GTF2F2: variants seen among roughly 807,000 people sequenced by gnomAD.
GTF2F2 encodes ATP-dependent helicase GTF2F2.
In GTF2F2, 23 loss-of-function variants were observed where a neutral mutation model predicts 42.2. That is an observed-to-expected ratio of 0.55 (90% CI 0.39 to 0.77). The LOEUF is 0.77. Ranked by LOEUF, GTF2F2 falls within the 30% of genes least tolerant of loss-of-function variation. The pLI is 0.00. For missense variants in GTF2F2, 261 were observed against 287.2 expected, an observed-to-expected ratio of 0.91 and a Z score of 0.66; for synonymous variants, 105 against 100.8, an observed-to-expected ratio of 1.04 and a Z score of -0.25.
chr13:45,273,098 G>GT (rs1876871959), intron 7 of GTF2F2, among the ~76,000 whole-genome samples: 1 of 151,332 alleles, frequency 6.6e-6, no homozygotes, highest in African/African-American at 2.4e-5. Context: ...GCTAATTTTC[G>GT]TATTTTTTTA....
intron 4 of GTF2F2, among the ~76,000 whole-genome samples, chr13:45,175,547 T>A (rs1339558540): frequency 6.6e-6 from 1 of 152,244 alleles, no homozygotes; most frequent in Admixed American, 6.5e-5. Flanking sequence ...TTTGTTATTA[T>A]CTTAAACAGC....
intron 5 of GTF2F2, among the ~76,000 whole-genome samples, chr13:45,210,119 C>T (rs1873572472): frequency 6.6e-6 from 1 of 152,144 alleles, no homozygotes; most frequent in Admixed American, 6.5e-5. Flanking sequence ...CAGATCATGC[C>T]ATTCGTCTTT....
chr13:45,237,871 A>G (rs1342884302), intron 5 of GTF2F2, among the ~76,000 whole-genome samples: 1 of 152,206 alleles, frequency 6.6e-6, no homozygotes, highest in Non-Finnish European at 1.5e-5. Flanking sequence ...TCTGATAGAA[A>G]AGCTTTCATC....
chr13:45,168,908 C>CCTCCTTCCT (rs1175672427), intron 4 of GTF2F2, among the ~76,000 whole-genome samples: 2 of 114,592 alleles, frequency 1.7e-5, no homozygotes, highest in South Asian at 3.3e-4. Flanking sequence ...TCCCTCCCTC[C>CCTCCTTCCT]TCCTTCCTTC....
At position 45,124,208 on chromosome 13, in the gene GTF2F2, G is replaced by A. The variant is rs532220947; in HGVS notation, c.66+3487G>A. The A allele has an allele frequency of 9.3e-4, 355 of 381,112 alleles. 4 individuals carry two copies. Among genetic ancestry groups the A allele is most frequent in the African/African-American group, 6.5e-3 (316 of 48,410 alleles). 23.6% of individuals were successfully genotyped at this position (381,112 alleles called of 1,614,324 possible). ...AGCGATTCTCCTGCCTCAGCCTCCC[G>A]AGTAGCTGGGACTATAGGTGCCTGC... On this transcript the variant is annotated intron_variant, in intron 1 of 7. Transcript: ENST00000340473.
At chr13:45,148,407 C>G (rs1448278646) in intron 2 of GTF2F2, among the ~76,000 whole-genome samples, 2 of 152,148 alleles carry the variant, frequency 1.3e-5, no homozygotes, top group Non-Finnish European at 2.9e-5. Flanking sequence ...TCTTATTTTG[C>G]CTTTCCCTTC....
At chr13:45,200,587 C>T (rs1429404954) in intron 4 of GTF2F2, among the ~76,000 whole-genome samples, 2 of 152,146 alleles carry the variant, frequency 1.3e-5, no homozygotes, top group South Asian at 2.1e-4. Context: ...AGCCACCATG[C>T]GTGGCAAAAT....
intron 6 of GTF2F2, among the ~76,000 whole-genome samples, 191 bp from the exon 7 acceptor site, chr13:45,267,042 G>A (rs1264137543): frequency 4.6e-5 from 7 of 151,948 alleles, no homozygotes; most frequent in Admixed American, 1.3e-4. Flanking sequence ...CCAGCTACTC[G>A]GGAGGCTGAG....
At chr13:45,202,515 A>C (rs1873243875) in intron 4 of GTF2F2, among the ~76,000 whole-genome samples, 1 of 152,218 alleles carries the variant, frequency 6.6e-6, no homozygotes, top group Non-Finnish European at 1.5e-5. Flanking sequence ...GACCTTTAAC[A>C]TATTCAACTT....
At chr13:45,152,147 T>C (rs542801972) in intron 4 of GTF2F2, among the ~76,000 whole-genome samples, 4 of 152,226 alleles carry the variant, frequency 2.6e-5, no homozygotes, top group Non-Finnish European at 5.9e-5. Flanking sequence ...ACTCCCTACC[T>C]CAGGTGATCT....
At chr13:45,142,041 A>G (rs1178674016) in intron 2 of GTF2F2, among the ~76,000 whole-genome samples, 3 of 152,224 alleles carry the variant, frequency 2.0e-5, no homozygotes, top group African/African-American at 7.2e-5. Flanking sequence ...GTACATGGCC[A>G]GTACTTACAT....
At chr13:45,202,010 G>A (rs1566133598) in intron 4 of GTF2F2, among the ~76,000 whole-genome samples, 1 of 152,220 alleles carries the variant, frequency 6.6e-6, no homozygotes, top group Middle Eastern at 3.4e-3. Context: ...ACCACCTTCA[G>A]TACTCTTCCT....
chr13:45,242,161 A>T (rs1365187847), intron 5 of GTF2F2, among the ~76,000 whole-genome samples: 1 of 150,868 alleles, frequency 6.6e-6, no homozygotes, highest in Admixed American at 6.6e-5. Flanking sequence ...TCTTTTTCAT[A>T]TTAGTAAATC....
At chr13:45,187,596 C>T (rs1295021775) in intron 4 of GTF2F2, among the ~76,000 whole-genome samples, 3 of 152,018 alleles carry the variant, frequency 2.0e-5, no homozygotes, top group Admixed American at 1.3e-4. Context: ...TTTCCTTTAC[C>T]GCCACTCCCT....
rs1870505184 is a variant in GTF2F2 at position 45,151,763 on chromosome 13, G to A, written c.236G>A (p.Arg79Lys). The A allele has an allele frequency of 6.3e-7, 1 of 1,591,390 alleles. No homozygotes were observed. The highest frequency in any genetic ancestry group is 1.1e-5 in the South Asian group (1 of 88,832). ...AAACCAGCTTCAGTCAGTGCTCCTA[G>A]AGAACATCCATTTGTCTTGCAAAGT... ...GGKPASVSAP[R>K]EHPFVLQSVG... Residue 79 changes from arginine to lysine, a missense_variant, in exon 4 of 8, where the codon AGA (arginine) becomes AAA (lysine). Transcript: ENST00000340473.
intron 5 of GTF2F2, among the ~76,000 whole-genome samples, chr13:45,216,523 T>G (rs902252652): frequency 1.3e-5 from 2 of 152,092 alleles, no homozygotes; most frequent in African/African-American, 4.8e-5. Context: ...GTTTTTTTGT[T>G]TTTTTGTTTT....
chr13:45,183,393 A>G (rs1302147227), intron 4 of GTF2F2, among the ~76,000 whole-genome samples: 2 of 152,166 alleles, frequency 1.3e-5, no homozygotes. Flanking sequence ...TGTGGCTTCC[A>G]TCCTCAGGGG....
Position 45,189,238 on chromosome 13 carries a change from CT to C in GTF2F2, c.305-18178del, listed in dbSNP as rs112595000. ...CCCTGCAAAGGACATCAACTTACCC[CT>C]TTTTTTTGGCTGCATAATATTCCAT... On this transcript the variant is annotated intron_variant, in intron 4 of 7. Coordinates refer to ENST00000340473, the MANE Select transcript of GTF2F2 (RefSeq NM_004128.3). Among the ~76,000 whole-genome samples the C allele has an allele frequency of 4.1e-3, 623 of 152,000 alleles. 2 individuals are homozygous for C. The highest frequency in any genetic ancestry group is 5.2e-3 in the African/African-American group (215 of 41,504).
At chr13:45,240,852 A>G (rs533937391) in intron 5 of GTF2F2, among the ~76,000 whole-genome samples, 1 of 150,508 alleles carries the variant, frequency 6.6e-6, no homozygotes, top group African/African-American at 2.4e-5. Flanking sequence ...AAAATTATAA[A>G]TTCTTGTCTG....
Sources: allele counts gnomAD v4.1 joint callset (sites outside exome capture counted in the v4.1 genomes callset), GRCh38; gene constraint gnomAD v4.1.1; transcripts MANE v1.5; gene names NCBI Gene and HGNC (gene_info 2026-07-23, HGNC 2026-07-21).